Variants in SNU13 observed in about 807,000 individuals in gnomAD.
The protein encoded by SNU13 is NHP2-like protein 1.
SNU13 carries 2 observed loss-of-function variants against 12.4 expected under a neutral mutation model. That is an observed-to-expected ratio of 0.16 (90% confidence interval 0.07 to 0.51). SNU13 has a LOEUF of 0.51. SNU13 is among the 20% of genes least tolerant of loss of function. SNU13 has a pLI of 0.96. For synonymous variants in SNU13, 68 were observed against 66.5 expected (o/e 1.02, Z -0.11); for missense variants, 66 against 157.8 (o/e 0.42, Z 3.12).
chr22:41,682,592 G>T, intron 1 of SNU13: 1 of 1,434,764 alleles, frequency 7.0e-7, no homozygotes, highest in Non-Finnish European at 9.1e-7. Context: ...GGACAACTAG[G>T]AAGAATTAGG....
chr22:41,679,417 G>T (rs1436823189), intron 2 of SNU13, among the ~76,000 whole-genome samples: 2 of 152,048 alleles, frequency 1.3e-5, no homozygotes, highest in African/African-American at 4.8e-5. Flanking sequence ...TTAGCTGGAC[G>T]TGGTGGTGCA....
chr22:41,682,514 A>C, intron 1 of SNU13: 1 of 1,539,574 alleles, frequency 6.5e-7, no homozygotes, highest in Admixed American at 2.0e-5. Context: ...GTCCAGGGCC[A>C]GCCCGTACAC....
rs543915919 is a variant in SNU13, at chr22:41,681,946, T to A, written c.4-1582A>T. On this transcript the variant is annotated intron_variant, in intron 1 of 2. Coordinates refer to ENST00000401959, the MANE Select transcript of SNU13 (RefSeq NM_001003796.2). The stretch of plus-strand genomic sequence containing the variant: ...TGGCCTGCCTATTCCGCTCCTTCCA[T>A]CTCATTCCCACTGCTCCAGTAAATC... Among the ~76,000 whole-genome samples the A allele has an allele frequency of 9.4e-4, 143 of 152,116 alleles. 1 individual carries two copies. Among genetic ancestry groups the A allele is most frequent in the Non-Finnish European group, 1.8e-3 (122 of 68,000 alleles).
At chr22:41,685,090 G>A (rs899228396) in intron 1 of SNU13, among the ~76,000 whole-genome samples, 1 of 146,448 alleles carries the variant, frequency 6.8e-6, no homozygotes, top group African/African-American at 2.5e-5. Flanking sequence ...GGGAAGCGGA[G>A]ATTGCAGTAG....
In SNU13 at chr22:41,688,829, G is replaced by A. The variant is rs745722505; in HGVS notation, c.-33C>T. 4.4e-6 allele frequency: 7 copies of A among 1,578,538 alleles called. No individual in the cohort carries two copies. The highest frequency in any genetic ancestry group is 2.7e-5 in the African/African-American group (2 of 74,310). On this transcript the variant is annotated 5_prime_UTR_variant, in exon 1 of 3. Coordinates refer to ENST00000401959, the MANE Select transcript of SNU13 (RefSeq NM_001003796.2). ...GTTCCGCGGGCTCAGCACTCCTAGG[G>A]GAGCGCAGCTGACGTTTCAGAAGCA...
chr22:41,686,047 A>G (rs1307707227), intron 1 of SNU13, among the ~76,000 whole-genome samples: 1 of 151,606 alleles, frequency 6.6e-6, no homozygotes, highest in Non-Finnish European at 1.5e-5. Flanking sequence ...TGGGCTAAAG[A>G]GATTCTCTCG....
At chr22:41,690,157 C>A (rs2068348498), upstream of SNU13, among the ~76,000 whole-genome samples, 1 of 151,964 alleles carries the variant, frequency 6.6e-6, no homozygotes, top group Non-Finnish European at 1.5e-5. Context: ...AAAGTAATTC[C>A]CCCACAGGAA....
At chr22:41,690,312 G>A (rs2068349455), upstream of SNU13, 8 of 674,232 alleles carry the variant, frequency 1.2e-5, no homozygotes, top group Admixed American at 6.9e-5. Context: ...CAAGCAGACC[G>A]CAGGTTATAT....
intron 2 of SNU13, among the ~76,000 whole-genome samples, chr22:41,678,457 G>GTA (rs1378476561): frequency 2.6e-5 from 4 of 152,202 alleles, no homozygotes; most frequent in Non-Finnish European, 5.9e-5. Context: ...TGAGGCAGAA[G>GTA]TACGGAAAAT....
chr22:41,674,913 A>G lies in SNU13; in HGVS notation c.*20T>C. 6.2e-7 allele frequency: 1 copy of G among 1,605,634 alleles called. No homozygotes were observed. Among genetic ancestry groups the G allele is most frequent in the Non-Finnish European group, 8.5e-7 (1 of 1,173,930 alleles). Reference sequence around the variant, plus strand: ...CTCAGGGGGGAAGCTGGCAGGGAGCACGTGGCAGAGGCCACAGGTTTAGAC... The same window carrying G: ...CTCAGGGGGGAAGCTGGCAGGGAGCGCGTGGCAGAGGCCACAGGTTTAGAC... On this transcript the variant is annotated 3_prime_UTR_variant, in exon 3 of 3. Coordinates refer to ENST00000401959, the MANE Select transcript of SNU13 (RefSeq NM_001003796.2).
At chr22:41,682,537 TCTTCTA>T in intron 1 of SNU13, 13 of 1,495,612 alleles carry the variant, frequency 8.7e-6, no homozygotes, top group Non-Finnish European at 1.1e-5. Flanking sequence ...GGACGCCCTG[TCTTCTA>T]CGTAACTCCT....
chr22:41,679,929 A>C (rs2068248077), intron 2 of SNU13: 1 of 178,772 alleles, frequency 5.6e-6, no homozygotes, highest in Non-Finnish European at 1.2e-5. Context: ...AAAAGCATTA[A>C]TATCCCTTTC....
intron 1 of SNU13, among the ~76,000 whole-genome samples, chr22:41,685,154 C>CAAAAAA (rs71184830): frequency 8.5e-6 from 1 of 118,002 alleles, no homozygotes; most frequent in African/African-American, 3.3e-5. Flanking sequence ...AACTCCATCT[C>CAAAAAA]AAAAAAAAAA....
At chr22:41,676,776 T>G (rs1440643801) in intron 2 of SNU13, among the ~76,000 whole-genome samples, 4 of 152,232 alleles carry the variant, frequency 2.6e-5, no homozygotes, top group African/African-American at 9.6e-5. Context: ...TTTCACTGCT[T>G]TTGCTTTGCT....
chr22:41,674,819 A>G lies in SNU13; in HGVS notation c.*114T>C, dbSNP rs2147130245. The G allele has an allele frequency of 3.6e-6, 5 of 1,393,314 alleles. No individual in the cohort carries two copies. The highest frequency in any genetic ancestry group is 1.4e-5 in the South Asian group (1 of 70,746). 86.3% of individuals were successfully genotyped at this position (1,393,314 alleles called of 1,614,324 possible). A position where few individuals can be genotyped will look rare whatever the true frequency, so the allele number is the denominator to read the frequency against. On this transcript the variant is annotated 3_prime_UTR_variant, in exon 3 of 3. Transcript: ENST00000401959. ...CAAAAATCCAGAAACCAGATTTAGT[A>G]CTACATTTTATAACAATAGAGAGTA...
At chr22:41,686,421 C>T (rs2068310629) in intron 1 of SNU13, among the ~76,000 whole-genome samples, 1 of 151,580 alleles carries the variant, frequency 6.6e-6, no homozygotes. Flanking sequence ...TCTCCTGCCT[C>T]AGCCTCCCGA....
intron 1 of SNU13, among the ~76,000 whole-genome samples, chr22:41,683,992 T>C (rs2068288506): frequency 6.6e-6 from 1 of 152,118 alleles, no homozygotes; most frequent in Non-Finnish European, 1.5e-5. Flanking sequence ...AACCTCTGCC[T>C]CCTGGGTTCA....
intron 1 of SNU13, among the ~76,000 whole-genome samples, chr22:41,682,059 G>A (rs2068268363): frequency 6.6e-6 from 1 of 152,068 alleles, no homozygotes; most frequent in South Asian, 2.1e-4. Context: ...CCCAGGTGCG[G>A]CCCCACATGT....
rs2068189271 is a variant in SNU13 at position 41,674,128 on chromosome 22, C to T, written c.*805G>A. On this transcript the variant is annotated 3_prime_UTR_variant, in exon 3 of 3. Transcript: ENST00000401959. ...AGAGACAGGCTGTTTCCTTGGACTC[C>T]ACCATCTCTGTTACAGCTACCAGCC... is the stretch of plus-strand genomic sequence containing the variant. The T allele has an allele frequency of 6.6e-6, 1 of 152,366 alleles. No homozygotes were observed. The highest frequency in any genetic ancestry group is 2.1e-4 in the South Asian group (1 of 4,826). The allele number at this position is 152,366 out of a possible 1,614,324, so 9.4% of individuals were successfully genotyped here.
Sources: gnomAD v4.1 joint callset for allele counts (sites outside exome capture counted in the v4.1 genomes callset) on GRCh38, gnomAD v4.1.1 for gene constraint, MANE v1.5 for transcripts, NCBI Gene and HGNC (gene_info 2026-07-23, HGNC 2026-07-21) for gene names.